Variants in TBC1D32 observed in about 807,000 individuals in gnomAD.
TBC1D32 encodes the protein TBC1 domain family member 32.
A neutral mutation model predicts 170.3 loss-of-function variants in TBC1D32; 151 were observed. That is an observed-to-expected ratio of 0.89 (90% CI 0.78 to 1.01). The LOEUF (loss-of-function observed/expected upper bound fraction) is 1.01. Ranked by LOEUF, TBC1D32 falls within the 50% of genes least tolerant of loss-of-function variation. The pLI, the probability that TBC1D32 is intolerant of heterozygous loss-of-function variation, is 0.00. For missense variants in TBC1D32, 1,464 were observed against 1,457.1 expected, an observed-to-expected ratio of 1.00 and a Z score of -0.08; for synonymous variants, 498 against 488.0, an observed-to-expected ratio of 1.02 and a Z score of -0.27.
chr6:121,182,425 G>C (rs9372643), intron 22 of TBC1D32, among the ~76,000 whole-genome samples: 1 of 151,800 alleles, frequency 6.6e-6, no homozygotes, highest in Non-Finnish European at 1.5e-5. Context: ...ACTAATAAAA[G>C]AATGCATACT....
In TBC1D32 at chr6:121,100,729, C is replaced by T. The variant is rs140844358; in HGVS notation, c.3465+5294G>A. ...AAAGCTAGCAGAAGGCAAGAAATAACGAAGATCAGAGCAGACCTGAAGGAG... is the reference window on the plus strand; with the variant it reads ...AAAGCTAGCAGAAGGCAAGAAATAATGAAGATCAGAGCAGACCTGAAGGAG... On this transcript the variant is annotated intron_variant, in intron 30 of 31. Transcript: ENST00000398212. 2.6e-3 allele frequency among the ~76,000 whole-genome samples: 400 copies of T among 152,042 alleles called. 2 individuals are homozygous for T. Among genetic ancestry groups the T allele is most frequent in the African/African-American group, 9.3e-3 (388 of 41,502 alleles).
rs769104670 is a variant in TBC1D32 at position 121,304,348 on chromosome 6, AT to A, written c.935+16del. Reference sequence around the variant, plus strand: ...ACCGCTAGGTTTTATGCTGGCATACATTGGGAGGGGACTTACTTCTCTGGAT... The same window carrying A: ...ACCGCTAGGTTTTATGCTGGCATACATGGGAGGGGACTTACTTCTCTGGAT... On this transcript the variant is annotated intron_variant, in intron 8 of 31. Coordinates refer to ENST00000398212, the MANE Select transcript of TBC1D32 (RefSeq NM_152730.6). 3.7e-6 allele frequency: 6 copies of A among 1,612,372 alleles called. No homozygotes were observed. The African/African-American group carries it at 6.7e-5, about 18-fold the overall frequency.
rs181315956 is a variant in TBC1D32, at chr6:121,189,997, T to C, written c.2570+15078A>G. On this transcript the variant is annotated intron_variant, in intron 22 of 31. Transcript: ENST00000398212. Reference sequence around the variant, plus strand: ...CCCATTTTAGTGTGAAAATGGGCATTTAGCATCACTGCAAAGAGGTAGATT... The same window carrying C: ...CCCATTTTAGTGTGAAAATGGGCATCTAGCATCACTGCAAAGAGGTAGATT... Among the ~76,000 whole-genome samples the C allele has an allele frequency of 4.0e-5, 6 of 150,756 alleles. No individual in the cohort carries two copies. In the East Asian group the frequency reaches 1.2e-3, roughly 30 times the overall value.
chr6:121,134,959 GGCCC>G, intron 24 of TBC1D32, among the ~76,000 whole-genome samples: 1 of 144,042 alleles, frequency 6.9e-6, no homozygotes, highest in African/African-American at 2.8e-5. Context: ...CAGAGACAAA[GGCCC>G]CCCTGACTGT....
At chr6:121,151,065 T>C (rs995822138) in intron 24 of TBC1D32, among the ~76,000 whole-genome samples, 2 of 152,202 alleles carry the variant, frequency 1.3e-5, no homozygotes, top group African/African-American at 4.8e-5. Flanking sequence ...CTGTTTGCTC[T>C]TGCTTCTCTA....
In TBC1D32 at chr6:121,126,331, A is replaced by G. The variant is rs746766580; in HGVS notation, c.2983+47T>C. 5 of 1,353,510 alleles carry G rather than the reference A, an allele frequency of 3.7e-6. No homozygotes were observed. In the African/African-American group the frequency reaches 7.3e-5, roughly 20 times the overall value. The allele number at this position is 1,353,510 out of a possible 1,614,324, so 83.8% of individuals were successfully genotyped here. ...CATTACACATCTCCATTAATTATCT[A>G]GTTACATACTGAGTCTTTTTCAAAC... On this transcript the variant is annotated intron_variant, in intron 26 of 31. Coordinates refer to ENST00000398212, the MANE Select transcript of TBC1D32 (RefSeq NM_152730.6).
intron 29 of TBC1D32, among the ~76,000 whole-genome samples, chr6:121,108,043 C>T (rs1232897521): frequency 6.6e-6 from 1 of 152,104 alleles, no homozygotes; most frequent in African/African-American, 2.4e-5. Context: ...AGATGCTCAA[C>T]ATATTATTGA....
At chr6:121,324,400 A>T (rs899023794) in intron 1 of TBC1D32, among the ~76,000 whole-genome samples, 3 of 152,076 alleles carry the variant, frequency 2.0e-5, no homozygotes, top group African/African-American at 7.2e-5. Context: ...TTTATATTCG[A>T]TGTTTAGATA....
intron 30 of TBC1D32, among the ~76,000 whole-genome samples, chr6:121,097,087 A>T (rs1777501575): frequency 1.3e-5 from 2 of 152,198 alleles, no homozygotes; most frequent in South Asian, 4.1e-4. Flanking sequence ...CTCAAATTAT[A>T]AAAACCCTAG....
chr6:121,232,665 T>G (rs1014727264), intron 20 of TBC1D32, among the ~76,000 whole-genome samples: 6 of 152,034 alleles, frequency 3.9e-5, no homozygotes, highest in African/African-American at 1.4e-4. Context: ...CCTAAGTATT[T>G]TATTTATTTA....
intron 30 of TBC1D32, among the ~76,000 whole-genome samples, chr6:121,100,580 T>C (rs996231406): frequency 1.3e-5 from 2 of 151,968 alleles, no homozygotes; most frequent in African/African-American, 2.4e-5. Flanking sequence ...GGGACACATT[T>C]AAAGCAGTGT....
intron 12 of TBC1D32, among the ~76,000 whole-genome samples, chr6:121,286,758 T>G (rs1803912294): frequency 6.6e-6 from 1 of 152,082 alleles, no homozygotes; most frequent in Admixed American, 6.6e-5. Context: ...GAGAGAAAGG[T>G]CGGGTTACGC....
At chr6:121,114,142 C>A (rs1779465922) in intron 27 of TBC1D32, among the ~76,000 whole-genome samples, 1 of 152,156 alleles carries the variant, frequency 6.6e-6, no homozygotes, top group Admixed American at 6.6e-5. Flanking sequence ...CCACTGCACT[C>A]CAGCCTGGGT....
chr6:121,170,646 CATTT>C lies in TBC1D32; in HGVS notation c.2571-9594_2571-9591del, dbSNP rs1224100650. The C allele has an allele frequency of 1.1e-5, 7 of 632,452 alleles. No homozygotes were observed. In the African/African-American group the frequency reaches 1.3e-4, roughly 12 times the overall value. 39.2% of individuals were successfully genotyped at this position (632,452 alleles called of 1,614,324 possible). On this transcript the variant is annotated intron_variant, in intron 22 of 31. Transcript: ENST00000398212. ...AAAATCTAAATCTAACAGAAAGTAT[CATTT>C]AGTTATTTCAGATATATTTTTAATA...
intron 30 of TBC1D32, among the ~76,000 whole-genome samples, chr6:121,103,493 C>T (rs896400808): frequency 1.4e-5 from 2 of 148,078 alleles, no homozygotes; most frequent in African/African-American, 5.0e-5. Flanking sequence ...GACAGAAAAC[C>T]AAACACTGCA....
intron 15 of TBC1D32, among the ~76,000 whole-genome samples, chr6:121,261,844 G>A (rs1424051284): frequency 6.6e-6 from 1 of 152,132 alleles, no homozygotes; most frequent in Non-Finnish European, 1.5e-5. Flanking sequence ...TGAGGTAAAG[G>A]AGCATGTTCT....
chr6:121,101,305 T>A (rs993451280), intron 30 of TBC1D32, among the ~76,000 whole-genome samples: 2 of 152,080 alleles, frequency 1.3e-5, no homozygotes, highest in Non-Finnish European at 2.9e-5. Flanking sequence ...TTTAGACCAA[T>A]ATCCCTGATG....
chr6:121,275,873 C>T (rs1351488708), intron 15 of TBC1D32, among the ~76,000 whole-genome samples: 1 of 151,764 alleles, frequency 6.6e-6, no homozygotes. Context: ...ACCTGTAATC[C>T]CAGCACTTGG....
chr6:121,247,403 T>C (rs915808417), intron 17 of TBC1D32, among the ~76,000 whole-genome samples: 1 of 148,570 alleles, frequency 6.7e-6, no homozygotes, highest in Non-Finnish European at 1.5e-5. Context: ...TTATAAAACA[T>C]AACACAATGA....
Sources: allele counts gnomAD v4.1 joint callset (sites outside exome capture counted in the v4.1 genomes callset), GRCh38; gene constraint gnomAD v4.1.1; transcripts MANE v1.5; gene names NCBI Gene and HGNC (gene_info 2026-07-23, HGNC 2026-07-21).